The following SLC13A4 variants were observed in gnomAD, a reference collection of about 807,000 sequenced individuals.
SLC13A4 encodes the protein Na(+)/sulfate cotransporter SUT-1.
In SLC13A4, 28 loss-of-function variants were observed where a neutral mutation model predicts 72.7. The observed-to-expected ratio is 0.39, with a 90% CI of 0.29 to 0.53. The LOEUF (loss-of-function observed/expected upper bound fraction) is 0.53. Among genes scored for constraint, SLC13A4 ranks in the 20% least tolerant of loss-of-function variants. The pLI is 0.78. For synonymous variants in SLC13A4, 312 were observed against 325.5 expected (o/e 0.96, Z 0.45); for missense variants, 653 against 788.0 (o/e 0.83, Z 2.05).
chr7:135,717,428 C>G (rs1796455264), intron 2 of SLC13A4, among the ~76,000 whole-genome samples: 1 of 152,220 alleles, frequency 6.6e-6, no homozygotes, highest in Admixed American at 6.5e-5. Flanking sequence ...TTTTATTTAT[C>G]TAGAACATCC....
At chr7:135,687,704 A>G (rs748289043) in intron 13 of SLC13A4, among the ~76,000 whole-genome samples, 13 of 152,258 alleles carry the variant, frequency 8.5e-5, no homozygotes, top group Non-Finnish European at 1.3e-4. Flanking sequence ...CTCATTGGAC[A>G]GAGGCAGGGG....
intron 2 of SLC13A4, among the ~76,000 whole-genome samples, chr7:135,719,278 G>C (rs1669860886): frequency 6.6e-6 from 1 of 152,208 alleles, no homozygotes; most frequent in African/African-American, 2.4e-5. Context: ...CATCTCTACT[G>C]TGCCCTTGGA....
At chr7:135,709,970 C>G (rs1796261588) in intron 2 of SLC13A4, among the ~76,000 whole-genome samples, 1 of 152,156 alleles carries the variant, frequency 6.6e-6, no homozygotes, top group South Asian at 2.1e-4. Context: ...TTCTATATAT[C>G]TTAACACCTA....
chr7:135,703,998 C>G (rs1019501341), intron 5 of SLC13A4: 2 of 152,246 alleles, frequency 1.3e-5, no homozygotes, highest in African/African-American at 2.4e-5. Flanking sequence ...CCCACCAGCA[C>G]AAAAGATGCT....
intron 2 of SLC13A4, among the ~76,000 whole-genome samples, chr7:135,720,407 G>A (rs1384150107): frequency 1.3e-5 from 2 of 152,050 alleles, no homozygotes; most frequent in East Asian, 3.8e-4. Flanking sequence ...GCCTTGTACA[G>A]CCCTTGGGAG....
intron 3 of SLC13A4, 60 bp downstream of exon 3, chr7:135,708,054 T>C: frequency 1.9e-6 from 3 of 1,582,572 alleles, no homozygotes; most frequent in Non-Finnish European, 8.6e-7. Context: ...ACCACTGTCC[T>C]GGTGGCACAC....
intron 2 of SLC13A4, among the ~76,000 whole-genome samples, chr7:135,714,899 C>T (rs563262504): frequency 5.3e-5 from 8 of 152,222 alleles, no homozygotes; most frequent in Non-Finnish European, 1.2e-4. Flanking sequence ...CTGAGTGACA[C>T]CAGCCCGAGG....
chr7:135,702,511 G>C, intron 6 of SLC13A4: 1 of 265,392 alleles, frequency 3.8e-6, no homozygotes, highest in South Asian at 4.5e-5. Context: ...AAGTAGTGGG[G>C]ATTACCGGTG....
At chr7:135,715,376 T>A (rs1563169083) in intron 2 of SLC13A4, among the ~76,000 whole-genome samples, 4 of 92,272 alleles carry the variant, frequency 4.3e-5, no homozygotes, top group African/African-American at 1.9e-4. Context: ...TGTATGAGTG[T>A]GTGAGTGTGT....
chr7:135,681,603 G>C lies in SLC13A4; in HGVS notation c.1844C>G (p.Pro615Arg). The C allele has an allele frequency of 6.2e-7, 1 of 1,614,148 alleles. No individual in the cohort carries two copies. Among genetic ancestry groups the C allele is most frequent in the Non-Finnish European group, 8.5e-7 (1 of 1,180,010 alleles). The change falls in exon 16 of 16, where the codon CCA becomes CGA. Residue 615 changes from proline to arginine, a missense_variant. Pro to Arg is a moderately radical substitution (Grantham distance 103). Coordinates refer to ENST00000682651, the MANE Select transcript of SLC13A4 (RefSeq NM_001318192.2). ...GATGTTGCTGACCCTCGCCCATGCT[G>C]GGTAAGTGTCCAGGTGGAAGAGGCT... ...GVSLFHLDTY[P>R]AWARVSNITD...
intron 11 of SLC13A4, chr7:135,691,938 A>G (rs1047447343): frequency 4.7e-6 from 2 of 422,984 alleles, no homozygotes; most frequent in Admixed American, 4.1e-5. Flanking sequence ...GGTTAGATAA[A>G]GGAGAATAGA....
chr7:135,722,983 A>AG (rs1251292636), intron 1 of SLC13A4, among the ~76,000 whole-genome samples: 1 of 152,168 alleles, frequency 6.6e-6, no homozygotes, highest in Non-Finnish European at 1.5e-5. Flanking sequence ...TTCTTCTTGC[A>AG]GGGGGGCTGT....
chr7:135,699,675 GTTTCTA>G, intron 7 of SLC13A4, 127 bp from the exon 8 acceptor site: 1 of 432,596 alleles, frequency 2.3e-6, no homozygotes, highest in South Asian at 5.7e-5. Context: ...ACAAATCACA[GTTTCTA>G]CCATTTGTCA....
rs1490325761 is a variant in SLC13A4 at position 135,691,606 on chromosome 7, A to AGGAAGAGGAGGAAGCCG, written c.1262_1263insCGGCTTCCTCCTCTTCC (p.Ile428AlafsTer76). The AGGAAGAGGAGGAAGCCG allele has an allele frequency of 6.2e-7, 1 of 1,613,868 alleles. No homozygotes were observed. Among genetic ancestry groups the AGGAAGAGGAGGAAGCCG allele is most frequent in the Non-Finnish European group, 8.5e-7 (1 of 1,179,844 alleles). ...CTGGAATGAGGAAGAGGAGGAAGCC[A>AGGAAGAGGAGGAAGCCG]AGGAAGACAGAGACTGTGGCATCAG... On this transcript the variant is annotated frameshift_variant, in exon 12 of 16. Coordinates refer to ENST00000682651, the MANE Select transcript of SLC13A4 (RefSeq NM_001318192.2). LOFTEE classifies it high-confidence loss of function.
chr7:135,702,713 A>T, intron 6 of SLC13A4, 132 bp downstream of exon 6: 1 of 783,372 alleles, frequency 1.3e-6, no homozygotes, highest in Admixed American at 1.9e-5. Flanking sequence ...TGTCAATGGA[A>T]TCCTCACTGA....
chr7:135,726,579 GA>G (rs1339790951), intron 1 of SLC13A4, among the ~76,000 whole-genome samples: 2 of 152,104 alleles, frequency 1.3e-5, no homozygotes, highest in African/African-American at 2.4e-5. Context: ...GGAGGGAAGG[GA>G]AGGGAAGCAG....
At chr7:135,716,318 T>A (rs937800147) in intron 2 of SLC13A4, among the ~76,000 whole-genome samples, 14 of 152,070 alleles carry the variant, frequency 9.2e-5, no homozygotes, top group African/African-American at 3.4e-4. Context: ...TAAAAAAAAT[T>A]TTTTTAGATG....
chr7:135,724,397 T>C (rs1324852457), intron 1 of SLC13A4, among the ~76,000 whole-genome samples: 3 of 150,114 alleles, frequency 2.0e-5, no homozygotes, highest in African/African-American at 7.4e-5. Flanking sequence ...CTCTGGAGGC[T>C]GAGGCAGGAG....
intron 2 of SLC13A4, 64 bp from the exon 3 acceptor site, chr7:135,708,314 T>C: frequency 6.2e-7 from 1 of 1,601,726 alleles, no homozygotes; most frequent in Non-Finnish European, 8.5e-7. Context: ...CAGCACCAGC[T>C]GGGAGAATGG....
Sources: allele counts gnomAD v4.1 joint callset (sites outside exome capture counted in the v4.1 genomes callset), GRCh38; gene constraint gnomAD v4.1.1; transcripts MANE v1.5; gene names NCBI Gene and HGNC (gene_info 2026-07-23, HGNC 2026-07-21).